CASP14: variants seen among roughly 807,000 people sequenced by gnomAD.
CASP14 encodes caspase-14.
CASP14 carries 27 observed loss-of-function variants against 28.4 expected under a neutral mutation model. That is an observed-to-expected ratio of 0.95 (90% confidence interval 0.70 to 1.31). The LOEUF (loss-of-function observed/expected upper bound fraction) is 1.31. CASP14 is among the 50% of genes most tolerant of loss of function. CASP14 has a pLI of 0.00. For missense variants in CASP14, 323 were observed against 312.8 expected, an observed-to-expected ratio of 1.03 and a Z score of -0.25; for synonymous variants, 115 against 118.6, an observed-to-expected ratio of 0.97 and a Z score of 0.20.
Position 15,055,564 on chromosome 19 carries a change from G to C in CASP14, c.624+31G>C, listed in dbSNP as rs573351007. The C allele has an allele frequency of 7.2e-6, 11 of 1,536,942 alleles. No homozygotes were observed. In the South Asian group the frequency reaches 1.2e-4, roughly 17 times the overall value. ...TTGACAAAAGGTAGCTGGGACCACC[G>C]CCCAGGCCAAGAAGGGTGCAGGCGG... On this transcript the variant is annotated intron_variant, in intron 6 of 6. Transcript: ENST00000427043.
In CASP14 at chr19:15,053,805, G is replaced by A. The variant is rs746084490; in HGVS notation, c.250G>A (p.Val84Met). 28 of 1,613,996 alleles carry A rather than the reference G, an allele frequency of 1.7e-5. No individual in the cohort carries two copies. The highest frequency in any genetic ancestry group is 2.3e-5 in the Non-Finnish European group (27 of 1,180,026). Residue 84 changes from valine (V) to methionine (M), a missense_variant, in exon 4 of 7, where the codon GTG (valine) becomes ATG (methionine). Physicochemically the swap from Val to Met is conservative, Grantham distance 21. Coordinates refer to ENST00000427043, the MANE Select transcript of CASP14 (RefSeq NM_012114.3). ...SREDPVSCAFVVLMAHGREGF... is the reference protein window; with the variant it reads ...SREDPVSCAFMVLMAHGREGF... ...GGAAGATCCCGTCAGTTGTGCCTTCGTGGTACTCATGGCTCACGGGAGGGA... is the reference window on the plus strand; with the variant it reads ...GGAAGATCCCGTCAGTTGTGCCTTCATGGTACTCATGGCTCACGGGAGGGA...
At chr19:15,051,628 G>C (rs1452809985) in intron 1 of CASP14, among the ~76,000 whole-genome samples, 2 of 152,086 alleles carry the variant, frequency 1.3e-5, no homozygotes, top group East Asian at 3.9e-4. Flanking sequence ...AAGAGAACAG[G>C]ACTCAGAGAT....
intron 5 of CASP14, 44 bp downstream of exon 5, chr19:15,055,318 C>A (rs199831812): frequency 2.5e-6 from 4 of 1,571,538 alleles, no homozygotes; most frequent in Admixed American, 3.3e-5. Flanking sequence ...GCTCTTCCCC[C>A]TCTCCTGCCA....
Position 15,055,516 on chromosome 19 carries a change from T to C in CASP14, c.607T>C (p.Leu203=). 3.1e-6 allele frequency: 5 copies of C among 1,613,740 alleles called. No individual in the cohort carries two copies. In the East Asian group the frequency reaches 8.9e-5, roughly 29 times the overall value. The change falls in exon 6 of 7, where the codon TTG becomes CTG. Residue 203 remains leucine, a synonymous_variant. Transcript: ENST00000427043. ...DVFTKRKGHI[L]ELLTEVTRRM... ...GTTCACGAAGAGGAAAGGACATATC[T>C]TGGAACTTCTGACAGAGGTGAGTTG...
In CASP14 at chr19:15,052,207, A is replaced by C. The variant is rs140414099; in HGVS notation, c.-45A>C. On this transcript the variant is annotated splice_region_variant and 5_prime_UTR_variant, in exon 2 of 7. Transcript: ENST00000427043. ...AACCTATCTTCTCTTGACTCCAAGG[A>C]TCAGACAAGGGTGCTGAGAGCCGGG... The C allele has an allele frequency of 2.4e-5, 37 of 1,574,002 alleles. No individual in the cohort carries two copies. Among genetic ancestry groups the C allele is most frequent in the Non-Finnish European group, 3.2e-5 (37 of 1,162,116 alleles).
Position 15,053,564 on chromosome 19 carries a change from A to G in CASP14, c.110A>G (p.Asp37Gly), listed in dbSNP as rs776895746. The change falls in exon 3 of 7, where the codon GAT becomes GGT. Residue 37 changes from aspartate to glycine, a missense_variant. Transcript: ENST00000427043. ...KAREGSEEDLDALEHMFRQLR... is the reference protein window; with the variant it reads ...KAREGSEEDLGALEHMFRQLR... ...CGGGAAGGTTCCGAAGAAGACCTGG[A>G]TGCTCTGGAACACATGTTTCGGCAG... 315 of 1,614,042 alleles carry G rather than the reference A, an allele frequency of 2.0e-4. No homozygotes were observed. The highest frequency in any genetic ancestry group is 2.6e-4 in the Non-Finnish European group (309 of 1,180,048).
intron 3 of CASP14, 48 bp from the exon 4 acceptor site, chr19:15,053,685 T>C (rs1317455433): frequency 5.6e-6 from 9 of 1,613,518 alleles, no homozygotes; most frequent in Non-Finnish European, 7.6e-6. Context: ...AGGTTGGAAG[T>C]GTAGGCTATG....
In CASP14 at chr19:15,053,447, T is replaced by C. The variant is rs202032994; in HGVS notation, c.28-35T>C. The C allele has an allele frequency of 5.0e-6, 8 of 1,613,566 alleles. No individual in the cohort carries two copies. The African/African-American group carries it at 9.3e-5, about 19-fold the overall frequency. ...GACTACATCTGCTTCTCCTTGAACC[T>C]CTCCATGCTGATTTCTGTCTTCTCT... On this transcript the variant is annotated intron_variant, in intron 2 of 6. Coordinates refer to ENST00000427043, the MANE Select transcript of CASP14 (RefSeq NM_012114.3).
intron 3 of CASP14, 26 bp from the exon 4 acceptor site, chr19:15,053,707 G>A (rs1445533098): frequency 1.2e-6 from 2 of 1,612,874 alleles, no homozygotes; most frequent in Admixed American, 1.7e-5. Flanking sequence ...GGACCCAGCT[G>A]AGTCTGGTTC....
intron 5 of CASP14, 76 bp from the exon 6 acceptor site, chr19:15,055,354 A>C: frequency 6.4e-7 from 1 of 1,558,572 alleles, no homozygotes; most frequent in Non-Finnish European, 8.8e-7. Context: ...CCTCTCCTCC[A>C]GGACCCACGC....
chr19:15,053,543 A>G lies in CASP14; in HGVS notation c.89A>G (p.Glu30Gly), dbSNP rs780840416. 3.7e-6 allele frequency: 6 copies of G among 1,614,028 alleles called. No individual in the cohort carries two copies. The highest frequency in any genetic ancestry group is 1.7e-5 in the Admixed American group (1 of 59,998). The change falls in exon 3 of 7, where the codon GAA becomes GGA. Residue 30 changes from glutamate (E) to glycine (G), a missense_variant. Coordinates refer to ENST00000427043, the MANE Select transcript of CASP14 (RefSeq NM_012114.3). The stretch of plus-strand genomic sequence containing the variant: ...ATACTGTGTGTCACCAAAGCCCGGG[A>G]AGGTTCCGAAGAAGACCTGGATGCT... ...ALILCVTKAR[E>G]GSEEDLDALE...
At chr19:15,053,418 T>C in intron 2 of CASP14, 64 bp from the exon 3 acceptor site, 3 of 1,604,136 alleles carry the variant, frequency 1.9e-6, no homozygotes. Flanking sequence ...TGCATGCCTC[T>C]TTTGACTACA....
Position 15,053,962 on chromosome 19 carries a change from GGGACAGATCCAAGA to G in CASP14, c.403+6_403+19del, listed in dbSNP as rs779433893. The G allele has an allele frequency of 3.1e-6, 5 of 1,609,752 alleles. No individual in the cohort carries two copies. The highest frequency in any genetic ancestry group is 4.2e-6 in the Non-Finnish European group (5 of 1,177,684). ...ATCATACAGGCCTGTCGAGGAGGTG[GGGACAGATCCAAGA>G]GCACAGAGTCTGTGGTTTGTTGTTT... is the stretch of plus-strand genomic sequence containing the variant. On this transcript the variant is annotated splice_donor_5th_base_variant and intron_variant, in intron 4 of 6. Coordinates refer to ENST00000427043, the MANE Select transcript of CASP14 (RefSeq NM_012114.3).
intron 4 of CASP14, chr19:15,054,788 A>G (rs951219717): frequency 3.3e-4 from 57 of 173,272 alleles, no homozygotes; most frequent in African/African-American, 1.2e-3. Flanking sequence ...TTACAGGTGC[A>G]AGCCACCATG....
At position 15,055,243 on chromosome 19, in the gene CASP14, A is replaced by G; in HGVS notation, c.489A>G (p.Thr163=). The G allele has an allele frequency of 5.6e-6, 9 of 1,614,088 alleles. No homozygotes were observed. The highest frequency in any genetic ancestry group is 7.6e-6 in the Non-Finnish European group (9 of 1,179,970). The part of the protein sequence containing the change: ...KDSPQTIPTY[T]DALHVYSTVE... ...GCCCACAAACCATCCCAACATACAC[A>G]GATGCCTTGCACGTTTATTCCACGG... is the stretch of plus-strand genomic sequence containing the variant. Residue 163 remains threonine, a synonymous_variant, in exon 5 of 7, where the codon ACA becomes ACG. Coordinates refer to ENST00000427043, the MANE Select transcript of CASP14 (RefSeq NM_012114.3).
At chr19:15,052,989 T>TA (rs1299564136) in intron 2 of CASP14, among the ~76,000 whole-genome samples, 2 of 152,208 alleles carry the variant, frequency 1.3e-5, no homozygotes, top group Admixed American at 1.3e-4. Context: ...AGTATAAGTA[T>TA]ATCCCATGCA....
In CASP14 at chr19:15,056,661, C is replaced by T. The variant is rs1472971855; in HGVS notation, c.*572C>T. On this transcript the variant is annotated 3_prime_UTR_variant, in exon 7 of 7. Coordinates refer to ENST00000427043, the MANE Select transcript of CASP14 (RefSeq NM_012114.3). The stretch of plus-strand genomic sequence containing the variant: ...TGTCCTAACTCCGTTCTCTTCCTAG[C>T]TCATGGCCTCTCTAGATAATAAAGT... 1.3e-5 allele frequency: 2 copies of T among 153,152 alleles called. No homozygotes were observed. The highest frequency in any genetic ancestry group is 4.8e-5 in the African/African-American group (2 of 41,458). The allele number at this position is 153,152 out of a possible 1,614,324, so 9.5% of individuals were successfully genotyped here.
rs2046126381 is a variant in CASP14 at position 15,058,158 on chromosome 19, A to G, written c.*2069A>G. ...CCACCCCTACTTTTTCCAGAAAGCCATTTCCTCTCTTTTTTCTGATTGATC... is the reference window on the plus strand; with the variant it reads ...CCACCCCTACTTTTTCCAGAAAGCCGTTTCCTCTCTTTTTTCTGATTGATC... On this transcript the variant is annotated 3_prime_UTR_variant, in exon 7 of 7. Transcript: ENST00000427043. 1 of 151,722 alleles carries G rather than the reference A, an allele frequency of 6.6e-6. No homozygotes were observed. The highest frequency in any genetic ancestry group is 6.6e-5 in the Admixed American group (1 of 15,218). The allele number at this position is 151,722 out of a possible 1,614,324, so 9.4% of individuals were successfully genotyped here.
At chr19:15,053,204 C>T (rs1247238379) in intron 2 of CASP14, among the ~76,000 whole-genome samples, 1 of 152,082 alleles carries the variant, frequency 6.6e-6, no homozygotes, top group East Asian at 1.9e-4. Context: ...ACTTCCCAGG[C>T]TCAAGCTATC....
Sources: allele counts gnomAD v4.1 joint callset (sites outside exome capture counted in the v4.1 genomes callset), GRCh38; gene constraint gnomAD v4.1.1; transcripts MANE v1.5; gene names NCBI Gene and HGNC (gene_info 2026-07-23, HGNC 2026-07-21).